JAG2: variants seen among roughly 807,000 people sequenced by gnomAD.
JAG2 encodes the protein jagged canonical Notch ligand 2, also known as protein jagged-2.
A neutral mutation model predicts 141.7 loss-of-function variants in JAG2; 46 were observed. That is an observed-to-expected ratio of 0.32 (90% CI 0.26 to 0.42). The LOEUF is 0.42. Among genes scored for constraint, JAG2 ranks in the 10% least tolerant of loss-of-function variants. The pLI is 1.00. For missense variants in JAG2, 1,500 were observed against 1,817.5 expected (o/e 0.83, Z 3.18); for synonymous variants, 862 against 763.5 (o/e 1.13, Z -2.13).
chr14:105,146,604 G>T lies in JAG2; in HGVS notation c.2593+7C>A. On this transcript the variant is annotated splice_region_variant and intron_variant, in intron 21 of 25. Coordinates refer to ENST00000331782, the MANE Select transcript of JAG2 (RefSeq NM_002226.5). The stretch of plus-strand genomic sequence containing the variant: ...GCCCCAACCCAGGGCAATCACACGG[G>T]GCCTACCTTCCTGGCACCGGGGGCC... 1 of 1,611,584 alleles carries T rather than the reference G, an allele frequency of 6.2e-7. No homozygotes were observed. Among genetic ancestry groups the T allele is most frequent in the Non-Finnish European group, 8.5e-7 (1 of 1,178,924 alleles).
chr14:105,166,522 GGA>G (rs1257667759), intron 2 of JAG2, among the ~76,000 whole-genome samples: 2 of 152,242 alleles, frequency 1.3e-5, no homozygotes, highest in African/African-American at 4.8e-5. Flanking sequence ...CCTGGTCAAG[GGA>G]TACTCGGCGG....
At position 105,166,786 on chromosome 14, in the gene JAG2, G is replaced by A. The variant is rs759474472; in HGVS notation, c.417+971C>T. 1.6e-4 allele frequency among the ~76,000 whole-genome samples: 24 copies of A among 152,312 alleles called. 1 individual carries two copies. The highest frequency in any genetic ancestry group is 1.8e-4 in the Non-Finnish European group (12 of 68,018). On this transcript the variant is annotated intron_variant, in intron 2 of 25. Transcript: ENST00000331782. ...ACTCCGGTGCCTCCTGCTGACTGGA[G>A]CCACTTCCTGGCTCCCAGATCCATC...
At position 105,168,381 on chromosome 14, in the gene JAG2, GC is replaced by G; in HGVS notation, c.39del (p.Leu14CysfsTer21). On this transcript the variant is annotated frameshift_variant, in exon 1 of 26. Transcript: ENST00000331782. LOFTEE classifies it high-confidence loss of function. ...AQGRGRLPRR[L>X]LLLLALWVQA... ...TGCACCCAGAGCGCCAGCAGCAGCA[GC>G]AGCCGCCGGGGAAGGCGCCCCCGGC... 1 of 1,027,162 alleles carries G rather than the reference GC, an allele frequency of 9.7e-7. No homozygotes were observed. Among genetic ancestry groups the G allele is most frequent in the Non-Finnish European group, 1.2e-6 (1 of 835,232 alleles). 63.6% of individuals were successfully genotyped at this position (1,027,162 alleles called of 1,614,324 possible). A position where few individuals can be genotyped will look rare whatever the true frequency, so the allele number is the denominator to read the frequency against.
chr14:105,153,459 G>GC, intron 5 of JAG2, among the ~76,000 whole-genome samples: 1 of 152,192 alleles, frequency 6.6e-6, no homozygotes, highest in Non-Finnish European at 1.5e-5. Flanking sequence ...CCACAGCCGG[G>GC]CTCAGAGCCC....
chr14:105,145,932 G>C lies in JAG2; in HGVS notation c.2751C>G (p.Pro917=). Residue 917 remains proline (P), a synonymous_variant, in exon 23 of 26, where the codon CCC becomes CCG. Coordinates refer to ENST00000331782, the MANE Select transcript of JAG2 (RefSeq NM_002226.5). ...GWKPCLLAGQ[P]EALSAQCPLG... is the part of the protein sequence containing the mutation. ...GTGGGCACTGGGCGCTCAGGGCCTC[G>C]GGCTGGCCGGCCAGCAGACAAGGCT... 1 of 1,580,356 alleles carries C rather than the reference G, an allele frequency of 6.3e-7. No individual in the cohort carries two copies. Among genetic ancestry groups the C allele is most frequent in the Non-Finnish European group, 8.6e-7 (1 of 1,164,914 alleles).
chr14:105,142,723 T>A lies in JAG2; in HGVS notation c.3689A>T (p.Asn1230Ile). 6.2e-7 allele frequency: 1 copy of A among 1,607,158 alleles called. No individual in the cohort carries two copies. The highest frequency in any genetic ancestry group is 1.1e-5 in the South Asian group (1 of 89,814). The change falls in exon 26 of 26, where the codon AAT (asparagine) becomes ATT (isoleucine). Residue 1230 changes from asparagine (N) to isoleucine (I), a missense_variant. Asn to Ile is a moderately radical substitution (Grantham distance 149). Transcript: ENST00000331782. Reference protein sequence around the residue: ...KVDNRAVRSINEARYAGKE With the variant: ...KVDNRAVRSIIEARYAGKE ...CTCCTTGCCGGCGTAGCGGGCCTCA[T>A]TGATGCTCCTGACCGCGCGGTTGTC...
chr14:105,155,664 T>C, intron 4 of JAG2, 42 bp from the exon 5 acceptor site: 2 of 1,612,446 alleles, frequency 1.2e-6, no homozygotes, highest in Non-Finnish European at 1.7e-6. Flanking sequence ...GCAGCCAGCC[T>C]GGCCGCAAGG....
chr14:105,164,230 A>G lies in JAG2; in HGVS notation c.417+3527T>C, dbSNP rs587658706. Reference sequence around the variant, plus strand: ...CCAAGGGCAGTCCTCCCTGGCTCCAATGGTCCCCGTGTTGCCTGGGCACTG... The same window carrying G: ...CCAAGGGCAGTCCTCCCTGGCTCCAGTGGTCCCCGTGTTGCCTGGGCACTG... On this transcript the variant is annotated intron_variant, in intron 2 of 25. Transcript: ENST00000331782. Among the ~76,000 whole-genome samples the G allele has an allele frequency of 2.0e-3, 302 of 152,202 alleles. 1 individual carries two copies. Among genetic ancestry groups the G allele is most frequent in the South Asian group, 4.4e-3 (21 of 4,812 alleles).
chr14:105,148,967 T>G lies in JAG2; in HGVS notation c.1876A>C (p.Ser626Arg). 1 of 1,607,516 alleles carries G rather than the reference T, an allele frequency of 6.2e-7. No homozygotes were observed. Among genetic ancestry groups the G allele is most frequent in the Non-Finnish European group, 8.5e-7 (1 of 1,177,656 alleles). ...PGGNFSCICDSGFTGTYCHEN... is the reference protein window; with the variant it reads ...PGGNFSCICDRGFTGTYCHEN... ...TGGCAGTAGGTGCCAGTAAAGCCACTGTCACAGATGCAGGAAAAGTTGCCC... is the reference window on the plus strand; with the variant it reads ...TGGCAGTAGGTGCCAGTAAAGCCACGGTCACAGATGCAGGAAAAGTTGCCC... Residue 626 changes from serine (S) to arginine (R), a missense_variant, in exon 14 of 26, where the codon AGT becomes CGT. By Grantham distance (110) the Ser-to-Arg change is moderately radical. Coordinates refer to ENST00000331782, the MANE Select transcript of JAG2 (RefSeq NM_002226.5).
chr14:105,157,564 G>A (rs1196497132), intron 3 of JAG2, 142 bp downstream of exon 3: 6 of 831,386 alleles, frequency 7.2e-6, no homozygotes, highest in South Asian at 1.4e-5. Context: ...AGAGCTTCCT[G>A]GCAGCCAAAG....
At position 105,147,524 on chromosome 14, in the gene JAG2, G is replaced by C. The variant is rs587604451; in HGVS notation, c.2369C>G (p.Thr790Ser). ...CCAAGGCAGAGGGTTGCAGTCGTTGGTATCTGGTTTGGGAGAAGAGAACGC... is the reference window on the plus strand; with the variant it reads ...CCAAGGCAGAGGGTTGCAGTCGTTGCTATCTGGTTTGGGAGAAGAGAACGC... ...GWEGRTCTHN[T>S]NDCNPLPCYN... Residue 790 changes from threonine (T) to serine (S), a missense_variant, in exon 19 of 26, where the codon ACC (threonine) becomes AGC (serine). Physicochemically the swap from Thr to Ser is moderately conservative, Grantham distance 58. Transcript: ENST00000331782. The C allele has an allele frequency of 3.1e-6, 5 of 1,612,132 alleles. No homozygotes were observed. In the South Asian group the frequency reaches 5.5e-5, roughly 18 times the overall value.
rs780109153 is a variant in JAG2, at chr14:105,142,844, AGTCCTCCTCACCGCGGCCCAGATCCTC to A, written c.3541_3567del (p.Glu1181_Asp1189del). Reference sequence around the variant, plus strand: ...GAGAGGAACTTCTCCGCCTCCAGGGAGTCCTCCTCACCGCGGCCCAGATCCTCGTCCTCCTCATCCTCCCTGACGGCC... The same window carrying A: ...GAGAGGAACTTCTCCGCCTCCAGGGAGTCCTCCTCATCCTCCCTGACGGCC... On this transcript the variant is annotated inframe_deletion, in exon 26 of 26. Coordinates refer to ENST00000331782, the MANE Select transcript of JAG2 (RefSeq NM_002226.5). The A allele has an allele frequency of 2.1e-5, 34 of 1,609,786 alleles. No homozygotes were observed. The East Asian group carries it at 4.5e-4, about 21-fold the overall frequency.
chr14:105,167,831 C>A lies in JAG2; in HGVS notation c.343G>T (p.Ala115Ser). 6.8e-7 allele frequency: 1 copy of A among 1,480,140 alleles called. No homozygotes were observed. Among genetic ancestry groups the A allele is most frequent in the Non-Finnish European group, 8.9e-7 (1 of 1,121,006 alleles). The allele number at this position is 1,480,140 out of a possible 1,614,324, so 91.7% of individuals were successfully genotyped here. ...CCGCCGGCCCGGGCCCGCGCCCGCG[C>A]TCGGTCCCCCGCAGCGCCCGCCGGC... ...LPPAGAAGDR[A>S]RARARAGGDQ... Residue 115 changes from alanine to serine, a missense_variant, in exon 2 of 26, where the codon GCG (alanine) becomes TCG (serine). This residue lies in a region of JAG2 where 200 missense variants were observed against 174.3 expected (regional missense o/e 1.15). Transcript: ENST00000331782. This position sits in a 1 kb window ranked among gnomAD's most constrained non-coding sequence, Gnocchi z 4.8.
intron 2 of JAG2, among the ~76,000 whole-genome samples, chr14:105,162,648 TCCAGGGCACCTTAAAGC>T (rs1566770091): frequency 3.6e-5 from 5 of 138,278 alleles, no homozygotes; most frequent in African/African-American, 1.2e-4. Flanking sequence ...CACCCCAAGG[TCCAGGGCACCTTAAAGC>T]CCAGGACACC....
intron 25 of JAG2, 135 bp from the exon 26 acceptor site, chr14:105,143,305 G>T: frequency 3.1e-6 from 4 of 1,309,338 alleles, no homozygotes; most frequent in Non-Finnish European, 4.2e-6. Context: ...CTCGTGGGGA[G>T]GGTCCCAGGA....
rs774831835 is a variant in JAG2, at chr14:105,142,911, C to T, written c.3501G>A (p.Gly1167=). 1 of 1,605,888 alleles carries T rather than the reference C, an allele frequency of 6.2e-7. No homozygotes were observed. Among genetic ancestry groups the T allele is most frequent in the Non-Finnish European group, 8.5e-7 (1 of 1,176,560 alleles). The part of the protein sequence containing the change: ...PPRRADEALP[G]PAGHAAVRED... ...CCCTGACGGCCGCGTGGCCGGCCGG[C>T]CCGGGCAGCGCCTCGTCCGCCCTGC... is the stretch of plus-strand genomic sequence containing the variant. Residue 1167 remains glycine, a synonymous_variant, in exon 26 of 26, where the codon GGG becomes GGA. Transcript: ENST00000331782.
chr14:105,165,703 A>C (rs1888888299), intron 2 of JAG2, among the ~76,000 whole-genome samples: 1 of 152,160 alleles, frequency 6.6e-6, no homozygotes, highest in South Asian at 2.1e-4. Flanking sequence ...GAGGGAGCGA[A>C]TGCAGAGCCC....
rs1365805292 is a variant in JAG2 at position 105,154,628 on chromosome 14, GCAGCCGGGA to G, written c.788+925_788+933del. 1.3e-5 allele frequency among the ~76,000 whole-genome samples: 2 copies of G among 152,106 alleles called. No individual in the cohort carries two copies. Among genetic ancestry groups the G allele is most frequent in the African/African-American group, 4.8e-5 (2 of 41,424 alleles). ...CCTCATCCATCCGCCCTGACCTGTG[GCAGCCGGGA>G]CTTGCTCCTTGGCCTCCCTCCTCTC... On this transcript the variant is annotated intron_variant, in intron 5 of 25. Coordinates refer to ENST00000331782, the MANE Select transcript of JAG2 (RefSeq NM_002226.5). The surrounding 1 kb of genome is among the most constrained non-coding windows in gnomAD (Gnocchi z 4.4).
chr14:105,159,724 C>CCAA, intron 2 of JAG2, among the ~76,000 whole-genome samples: 1 of 103,864 alleles, frequency 9.6e-6, no homozygotes, highest in Non-Finnish European at 2.0e-5. Context: ...CCACACCCCC[C>CCAA]CAGAGCTCCA....
Sources: gnomAD v4.1 joint callset for allele counts (sites outside exome capture counted in the v4.1 genomes callset) on GRCh38, gnomAD v4.1.1 for gene constraint, gnomAD v4.1.1 regional missense constraint, Gnocchi (gnomAD v3.1) non-coding constraint, MANE v1.5 for transcripts, NCBI Gene and HGNC (gene_info 2026-07-23, HGNC 2026-07-21) for gene names.